The following EBF1 variants were observed in gnomAD, a reference collection of about 807,000 sequenced individuals.
EBF1 encodes transcription factor COE1.
Under a neutral mutation model 68.4 loss-of-function variants are expected in EBF1, and 10 were observed. The ratio of observed to expected loss-of-function variants is 0.15; its 90% CI spans 0.09 to 0.25. The LOEUF (loss-of-function observed/expected upper bound fraction) is 0.25, where lower values mean the gene tolerates loss of function less well. Among genes scored for constraint, EBF1 ranks in the 10% least tolerant of loss-of-function variants. The pLI, the probability that EBF1 is intolerant of heterozygous loss-of-function variation, is 1.00. For synonymous variants in EBF1, 298 were observed against 299.8 expected (o/e 0.99, Z 0.06); for missense variants, 509 against 794.4 (o/e 0.64, Z 4.32).
At chr5:159,093,011 G>A (rs1019151011) in intron 4 of EBF1, among the ~76,000 whole-genome samples, 19 of 152,004 alleles carry the variant, frequency 1.2e-4, no homozygotes, top group Non-Finnish European at 2.9e-5. Flanking sequence ...AATCAGACTT[G>A]GTATTTAATT....
chr5:159,008,697 T>G (rs1023162996), intron 6 of EBF1, among the ~76,000 whole-genome samples: 4 of 151,874 alleles, frequency 2.6e-5, no homozygotes, highest in African/African-American at 4.8e-5. Flanking sequence ...GGCTAATTTT[T>G]TTGTTGTTGT....
At chr5:158,979,458 G>A (rs1237060706) in intron 6 of EBF1, among the ~76,000 whole-genome samples, 3 of 152,156 alleles carry the variant, frequency 2.0e-5, no homozygotes, top group African/African-American at 7.2e-5. Flanking sequence ...TAATGAGCCA[G>A]GATGGAGGGT....
At chr5:158,948,333 T>C (rs1225169111) in intron 6 of EBF1, among the ~76,000 whole-genome samples, 1 of 151,400 alleles carries the variant, frequency 6.6e-6, no homozygotes, top group Non-Finnish European at 1.5e-5. Flanking sequence ...AGGATATAAA[T>C]AGAGTGACAG....
At chr5:158,802,539 C>T (rs1780796391) in intron 8 of EBF1, among the ~76,000 whole-genome samples, 1 of 152,092 alleles carries the variant, frequency 6.6e-6, no homozygotes, top group Non-Finnish European at 1.5e-5. Context: ...CAAAGCAGAC[C>T]ACTGATGCTT....
chr5:159,069,324 TCAAACAAA>T (rs368618968), intron 6 of EBF1, among the ~76,000 whole-genome samples: 23 of 151,946 alleles, frequency 1.5e-4, no homozygotes, highest in Admixed American at 3.3e-4. Context: ...AATTCTAAAT[TCAAACAAA>T]CAAACAAACA....
intron 6 of EBF1, among the ~76,000 whole-genome samples, chr5:158,861,639 AT>A (rs1467272266): frequency 2.0e-5 from 3 of 152,184 alleles, no homozygotes; most frequent in African/African-American, 7.2e-5. Context: ...CCTTCAATTA[AT>A]GCTCCTCTGC....
At chr5:159,021,988 T>A (rs958794039) in intron 6 of EBF1, among the ~76,000 whole-genome samples, 1 of 145,186 alleles carries the variant, frequency 6.9e-6, no homozygotes, top group African/African-American at 2.6e-5. Context: ...TACACTCGAG[T>A]GTTGCAATAA....
intron 6 of EBF1, among the ~76,000 whole-genome samples, chr5:158,898,293 C>T (rs149436258): frequency 6.6e-6 from 1 of 152,296 alleles, no homozygotes; most frequent in African/African-American, 2.4e-5. Context: ...TGTTCCACAT[C>T]ATTACTAATC....
intron 4 of EBF1, among the ~76,000 whole-genome samples, chr5:159,094,859 T>A (rs1782307430): frequency 1.3e-5 from 2 of 152,204 alleles, no homozygotes; most frequent in African/African-American, 2.4e-5. Context: ...GGGAAAAAGC[T>A]CCTGTGCCTC....
intron 8 of EBF1, among the ~76,000 whole-genome samples, chr5:158,798,352 C>T (rs1779954506): frequency 6.6e-6 from 1 of 152,168 alleles, no homozygotes; most frequent in African/African-American, 2.4e-5. Context: ...CCACACAGAT[C>T]ACAAAATGGT....
intron 6 of EBF1, among the ~76,000 whole-genome samples, chr5:158,981,202 C>T (rs990489509): frequency 6.7e-6 from 1 of 150,186 alleles, no homozygotes; most frequent in African/African-American, 2.4e-5. Context: ...AAAATGACTC[C>T]AACAATTACA....
intron 6 of EBF1, among the ~76,000 whole-genome samples, chr5:158,891,779 C>G (rs761919149): frequency 6.6e-5 from 10 of 152,164 alleles, no homozygotes; most frequent in Non-Finnish European, 1.2e-4. Context: ...GTTCAACTCT[C>G]TCTTACTCTA....
intron 4 of EBF1, among the ~76,000 whole-genome samples, chr5:159,085,824 T>C (rs1342081403): frequency 6.6e-6 from 1 of 152,100 alleles, no homozygotes; most frequent in Non-Finnish European, 1.5e-5. Flanking sequence ...AAGACTAACT[T>C]GTAGTTGACT....
intron 6 of EBF1, among the ~76,000 whole-genome samples, chr5:158,987,389 T>C (rs1422441997): frequency 6.6e-6 from 1 of 152,342 alleles, no homozygotes; most frequent in East Asian, 1.9e-4. Context: ...TGTTAAGCCC[T>C]CTAGCCTTCA....
chr5:158,857,813 GC>G (rs1386703739), intron 6 of EBF1, among the ~76,000 whole-genome samples: 19 of 152,196 alleles, frequency 1.2e-4, no homozygotes, highest in South Asian at 4.1e-4. Flanking sequence ...ATTGTGACAA[GC>G]CTCTCTAGAA....
chr5:158,923,483 C>T (rs574583858), intron 6 of EBF1, among the ~76,000 whole-genome samples: 8 of 152,258 alleles, frequency 5.3e-5, no homozygotes, highest in Admixed American at 2.0e-4. Context: ...GGGTGGGTCT[C>T]AGATCGCTCC....
At chr5:159,073,586 C>T in intron 5 of EBF1, 122 bp from the exon 6 acceptor site, 1 of 1,004,146 alleles carries the variant, frequency 1.0e-6, no homozygotes, top group Non-Finnish European at 1.5e-6. Flanking sequence ...CCATACCTGG[C>T]AATCAACGGA....
chr5:159,005,488 T>C (rs558273134), intron 6 of EBF1, among the ~76,000 whole-genome samples: 54 of 152,346 alleles, frequency 3.5e-4, no homozygotes, highest in Non-Finnish European at 5.9e-4. Context: ...AAAATGATAT[T>C]TGTAACCTGA....
intron 6 of EBF1, among the ~76,000 whole-genome samples, chr5:158,933,499 A>T (rs921442963): frequency 6.6e-6 from 1 of 152,116 alleles, no homozygotes; most frequent in Non-Finnish European, 1.5e-5. Context: ...AATAATATAG[A>T]TTTTTCCCTA....
Sources: allele counts gnomAD v4.1 joint callset (sites outside exome capture counted in the v4.1 genomes callset), GRCh38; gene constraint gnomAD v4.1.1; transcripts MANE v1.5; gene names NCBI Gene and HGNC (gene_info 2026-07-23, HGNC 2026-07-21).